The following YTHDF1 variants were observed in gnomAD, a reference collection of about 807,000 sequenced individuals.
The protein encoded by YTHDF1 is YTH N6-methyladenosine RNA binding protein F1.
In YTHDF1, 16 loss-of-function variants were observed where a neutral mutation model predicts 49.1. The observed-to-expected ratio is 0.33, with a 90% confidence interval of 0.22 to 0.49. The LOEUF is 0.49. Ranked by LOEUF, YTHDF1 falls within the 20% of genes least tolerant of loss-of-function variation. The pLI is 0.99. For synonymous variants in YTHDF1, 313 were observed against 290.1 expected (o/e 1.08, Z -0.80); for missense variants, 621 against 744.3 (o/e 0.83, Z 1.93).
chr20:63,202,663 CG>C lies in YTHDF1; in HGVS notation c.1276del (p.Arg426AlafsTer3). On this transcript the variant is annotated frameshift_variant, in exon 4 of 5. Transcript: ENST00000370339. LOFTEE classifies it high-confidence loss of function. ...GACGGGCCCCTTGCTGCTCATGCAGCGGAAGGCGCTGTCCAGGCGCTTGTTG... is the reference window on the plus strand; with the variant it reads ...GACGGGCCCCTTGCTGCTCATGCAGCGAAGGCGCTGTCCAGGCGCTTGTTG... ...HGNKRLDSAF[R>X]CMSSKGPVYL... is the part of the protein sequence containing the mutation. The C allele has an allele frequency of 6.2e-7, 1 of 1,613,876 alleles. No individual in the cohort carries two copies. The highest frequency in any genetic ancestry group is 8.5e-7 in the Non-Finnish European group (1 of 1,180,032).
At position 63,202,476 on chromosome 20, in the gene YTHDF1, C is replaced by T. The variant is rs1035456203; in HGVS notation, c.1464G>A (p.Gln488=). The T allele has an allele frequency of 1.2e-6, 2 of 1,614,280 alleles. No homozygotes were observed. The highest frequency in any genetic ancestry group is 1.6e-4 in the Middle Eastern group (1 of 6,062). The change falls in exon 4 of 5, where the codon CAG becomes CAA. Residue 488 remains glutamine, a synonymous_variant. Transcript: ENST00000370339. ...WIFVKDVPNN[Q]LRHIRLENND... is the part of the protein sequence containing the mutation. ...TATTCTCCAGCCTGATGTGCCGGAG[C>T]TGGTTATTGGGTACATCCTTAACAA...
chr20:63,215,691 G>T (rs1042982160), intron 1 of YTHDF1, 90 bp from the exon 2 acceptor site: 26 of 1,460,688 alleles, frequency 1.8e-5, no homozygotes, highest in Non-Finnish European at 2.2e-5. Flanking sequence ...GGTCTCCAAC[G>T]GGCCGCGAGC....
chr20:63,213,807 GT>G, intron 3 of YTHDF1, 56 bp downstream of exon 3: 1 of 1,458,560 alleles, frequency 6.9e-7, no homozygotes, highest in Admixed American at 2.0e-5. Flanking sequence ...GACAGTAAAG[GT>G]ACAAAACAAT....
At chr20:63,215,336 A>G (rs1304205650) in intron 2 of YTHDF1, among the ~76,000 whole-genome samples, 1 of 152,164 alleles carries the variant, frequency 6.6e-6, no homozygotes, top group Non-Finnish European at 1.5e-5. Context: ...AAGCAAATCC[A>G]TGATCATGCG....
At chr20:63,199,957 G>C (rs1483890673) in intron 4 of YTHDF1, among the ~76,000 whole-genome samples, 1 of 152,204 alleles carries the variant, frequency 6.6e-6, no homozygotes, top group African/African-American at 2.4e-5. Context: ...AGGAGGCTGA[G>C]GCAGGAAGAC....
At chr20:63,197,541 T>A (rs1389410412) in intron 4 of YTHDF1, among the ~76,000 whole-genome samples, 2 of 152,164 alleles carry the variant, frequency 1.3e-5, no homozygotes. Context: ...CATACAAAGA[T>A]GAAAATGTGC....
At chr20:63,208,156 G>A (rs1225422183) in intron 3 of YTHDF1, among the ~76,000 whole-genome samples, 1 of 152,190 alleles carries the variant, frequency 6.6e-6, no homozygotes, top group Middle Eastern at 3.2e-3. Context: ...TTCTGAGATG[G>A]AGTTGGAATG....
intron 3 of YTHDF1, among the ~76,000 whole-genome samples, chr20:63,211,875 T>A (rs2066575913): frequency 1.3e-5 from 2 of 151,790 alleles, no homozygotes. Context: ...GAGGATTGCT[T>A]AAGCCCAGGA....
intron 4 of YTHDF1, among the ~76,000 whole-genome samples, chr20:63,200,133 G>T (rs1252479624): frequency 6.6e-6 from 1 of 152,070 alleles, no homozygotes; most frequent in East Asian, 1.9e-4. Context: ...GGCTGAGGTG[G>T]GCAGATCACT....
At chr20:63,206,287 G>T (rs746878323) in intron 3 of YTHDF1, among the ~76,000 whole-genome samples, 1 of 152,200 alleles carries the variant, frequency 6.6e-6, no homozygotes, top group Non-Finnish European at 1.5e-5. Context: ...CCAACCAGAG[G>T]AGTCAGGCCA....
chr20:63,197,498 T>A (rs2066497489), intron 4 of YTHDF1, among the ~76,000 whole-genome samples: 1 of 152,112 alleles, frequency 6.6e-6, no homozygotes, highest in South Asian at 2.1e-4. Flanking sequence ...AGTAGCAGGG[T>A]CTAGAAGCCC....
At chr20:63,198,387 G>C (rs912968500) in intron 4 of YTHDF1, among the ~76,000 whole-genome samples, 1 of 152,100 alleles carries the variant, frequency 6.6e-6, no homozygotes, top group Non-Finnish European at 1.5e-5. Flanking sequence ...AGAGGTTGCA[G>C]TGAGCTGAGA....
intron 4 of YTHDF1, among the ~76,000 whole-genome samples, chr20:63,200,085 G>T (rs1163368000): frequency 1.3e-5 from 2 of 151,978 alleles, no homozygotes; most frequent in African/African-American, 4.8e-5. Flanking sequence ...TTGAGGCGGG[G>T]CACGGTGGCT....
intron 3 of YTHDF1, among the ~76,000 whole-genome samples, chr20:63,209,378 T>C (rs966077423): frequency 5.3e-5 from 8 of 152,278 alleles, no homozygotes; most frequent in Non-Finnish European, 8.8e-5. Context: ...TAAACACAAA[T>C]ATATCATATA....
At chr20:63,214,088 CTG>C in intron 2 of YTHDF1, 145 bp from the exon 3 acceptor site, 1 of 1,382,342 alleles carries the variant, frequency 7.2e-7, no homozygotes, top group Non-Finnish European at 9.4e-7. Context: ...CAGTATAGAA[CTG>C]ATGTTTATAC....
chr20:63,196,662 T>G lies in YTHDF1; in HGVS notation c.*46A>C, dbSNP rs761095073. 3.1e-6 allele frequency: 5 copies of G among 1,612,640 alleles called. No homozygotes were observed. The highest frequency in any genetic ancestry group is 4.2e-6 in the Non-Finnish European group (5 of 1,179,040). ...CTGACCAAGCACACGTGTTTTAAAC[T>G]GTTTTCAAAGTCAAACGTTAGAACA... On this transcript the variant is annotated 3_prime_UTR_variant, in exon 5 of 5. Coordinates refer to ENST00000370339, the MANE Select transcript of YTHDF1 (RefSeq NM_017798.4).
chr20:63,214,021 G>A (rs888118508), intron 2 of YTHDF1, 78 bp from the exon 3 acceptor site: 2 of 1,513,298 alleles, frequency 1.3e-6, no homozygotes, highest in Non-Finnish European at 8.8e-7. Context: ...AGTTAGCAAA[G>A]TCTATTTCCA....
intron 3 of YTHDF1, among the ~76,000 whole-genome samples, chr20:63,207,396 G>A (rs1206514226): frequency 2.0e-5 from 3 of 151,992 alleles, no homozygotes; most frequent in South Asian, 2.1e-4. Context: ...GTGAACCCGG[G>A]AGGCGGAGCT....
intron 2 of YTHDF1, among the ~76,000 whole-genome samples, chr20:63,214,306 T>G (rs1372516356): frequency 6.6e-6 from 1 of 152,202 alleles, no homozygotes; most frequent in Non-Finnish European, 1.5e-5. Flanking sequence ...ATGCAGAATG[T>G]ATGCCCAAAC....
Sources: gnomAD v4.1 joint callset for allele counts (sites outside exome capture counted in the v4.1 genomes callset) on GRCh38, gnomAD v4.1.1 for gene constraint, MANE v1.5 for transcripts, NCBI Gene and HGNC (gene_info 2026-07-23, HGNC 2026-07-21) for gene names.